Variants in TBCA observed in about 807,000 individuals in gnomAD.
TBCA encodes tubulin folding cofactor A.
Under a neutral mutation model 15.8 loss-of-function variants are expected in TBCA, and 6 were observed. The ratio of observed to expected loss-of-function variants is 0.38; its 90% CI spans 0.21 to 0.75. The LOEUF (loss-of-function observed/expected upper bound fraction) is 0.75, where lower values mean the gene tolerates loss of function less well. Ranked by LOEUF, TBCA falls within the 30% of genes least tolerant of loss-of-function variation. TBCA has a pLI of 0.46. For synonymous variants in TBCA, 32 were observed against 42.3 expected, an observed-to-expected ratio of 0.76 and a Z score of 0.94; for missense variants, 90 against 131.2, an observed-to-expected ratio of 0.69 and a Z score of 1.53.
chr5:77,711,866 A>G (rs1746285059), intron 1 of TBCA, among the ~76,000 whole-genome samples: 1 of 152,128 alleles, frequency 6.6e-6, no homozygotes. Flanking sequence ...TTGCATGGTT[A>G]TTGGAATATC....
intron 1 of TBCA, among the ~76,000 whole-genome samples, chr5:77,740,257 AT>A (rs958425195): frequency 2.0e-5 from 3 of 152,320 alleles, no homozygotes; most frequent in African/African-American, 7.2e-5. Flanking sequence ...AAACAACCGA[AT>A]TTTTCCTAAA....
intron 1 of TBCA, among the ~76,000 whole-genome samples, chr5:77,761,162 C>CATG (rs1174584782): frequency 2.6e-5 from 4 of 151,838 alleles, no homozygotes; most frequent in Admixed American, 6.6e-5. Flanking sequence ...GAGAACGGGC[C>CATG]ATGATGATGA....
intron 1 of TBCA, among the ~76,000 whole-genome samples, chr5:77,769,503 A>T (rs1164179052): frequency 6.6e-6 from 1 of 152,156 alleles, no homozygotes; most frequent in African/African-American, 2.4e-5. Flanking sequence ...TTCACTTTTT[A>T]TATCAGTATA....
intron 1 of TBCA, among the ~76,000 whole-genome samples, chr5:77,744,596 C>T (rs1376669942): frequency 4.7e-5 from 6 of 126,342 alleles, no homozygotes; most frequent in Admixed American, 9.9e-5. Flanking sequence ...AGGACAGTGG[C>T]GCGATCTCGG....
At chr5:77,753,307 C>T (rs116038356) in intron 1 of TBCA, among the ~76,000 whole-genome samples, 246 of 152,318 alleles carry the variant, frequency 1.6e-3, no homozygotes, top group African/African-American at 5.7e-3. Flanking sequence ...CAAGCCCTTA[C>T]TTTTCTTTAA....
chr5:77,735,030 A>G (rs2112473112), intron 1 of TBCA, among the ~76,000 whole-genome samples: 1 of 152,358 alleles, frequency 6.6e-6, no homozygotes, highest in East Asian at 1.9e-4. Flanking sequence ...TATTGCACAC[A>G]TAATATACTA....
Position 77,691,390 on chromosome 5 carries a change from G to C in TBCA, c.*28C>G. ...TGTAAAATGGACCCCAGGATTTAAT[G>C]CAAAAACCACCCCATACGAGAAAAG... On this transcript the variant is annotated 3_prime_UTR_variant, in exon 4 of 4. Transcript: ENST00000380377. 1.3e-6 allele frequency: 2 copies of C among 1,578,770 alleles called. No individual in the cohort carries two copies. Among genetic ancestry groups the C allele is most frequent in the South Asian group, 1.2e-5 (1 of 85,906 alleles).
At chr5:77,707,637 G>T (rs1362387272) in intron 2 of TBCA, among the ~76,000 whole-genome samples, 1 of 152,138 alleles carries the variant, frequency 6.6e-6, no homozygotes, top group Non-Finnish European at 1.5e-5. Context: ...CAATGTTAAG[G>T]CCACTGAAAT....
At chr5:77,759,365 T>C (rs1473204975) in intron 1 of TBCA, among the ~76,000 whole-genome samples, 4 of 152,140 alleles carry the variant, frequency 2.6e-5, no homozygotes, top group Admixed American at 1.3e-4. Flanking sequence ...TAGATTGTAA[T>C]TGTTTCTTAT....
At chr5:77,757,830 G>A (rs926465147) in intron 1 of TBCA, among the ~76,000 whole-genome samples, 1 of 152,154 alleles carries the variant, frequency 6.6e-6, no homozygotes, top group Non-Finnish European at 1.5e-5. Context: ...AAGGTGGCTG[G>A]AGTACAGTTT....
chr5:77,701,245 G>T (rs1280263283), intron 2 of TBCA, among the ~76,000 whole-genome samples: 1 of 151,856 alleles, frequency 6.6e-6, no homozygotes, highest in South Asian at 2.1e-4. Context: ...TCAAAAAGTG[G>T]GCTAACGATA....
intron 3 of TBCA, chr5:77,691,994 G>C (rs962607526): frequency 1.2e-5 from 12 of 985,752 alleles, no homozygotes; most frequent in Non-Finnish European, 1.4e-5. Context: ...TTGCTAATGG[G>C]TATTACATAC....
intron 1 of TBCA, among the ~76,000 whole-genome samples, chr5:77,719,303 G>T (rs1580106704): frequency 6.6e-6 from 1 of 152,090 alleles, no homozygotes; most frequent in Non-Finnish European, 1.5e-5. Flanking sequence ...AGTAAATGAA[G>T]CAATTTTCAA....
intron 1 of TBCA, among the ~76,000 whole-genome samples, chr5:77,729,841 A>G (rs1284450120): frequency 6.6e-6 from 1 of 152,220 alleles, no homozygotes; most frequent in African/African-American, 2.4e-5. Flanking sequence ...GTAATACAAC[A>G]TATCAGTTAA....
chr5:77,730,810 A>G (rs1746750950), intron 1 of TBCA, among the ~76,000 whole-genome samples: 1 of 152,106 alleles, frequency 6.6e-6, no homozygotes, highest in South Asian at 2.1e-4. Flanking sequence ...CCTCTCCCTC[A>G]TGATAATTTT....
intron 2 of TBCA, among the ~76,000 whole-genome samples, chr5:77,700,358 TA>T (rs202227314): frequency 4.7e-5 from 7 of 147,688 alleles, no homozygotes; most frequent in South Asian, 2.1e-4. Context: ...ACTCAAATGT[TA>T]AAAAAAAAAC....
At chr5:77,747,664 T>C (rs1747217744) in intron 1 of TBCA, among the ~76,000 whole-genome samples, 1 of 152,128 alleles carries the variant, frequency 6.6e-6, no homozygotes, top group Non-Finnish European at 1.5e-5. Flanking sequence ...AAGTACCTAT[T>C]AGTTCTTATT....
chr5:77,698,145 A>T (rs1745914359), intron 2 of TBCA, among the ~76,000 whole-genome samples: 1 of 148,640 alleles, frequency 6.7e-6, no homozygotes, highest in Admixed American at 6.9e-5. Context: ...AAATTAAAAA[A>T]CCAAAAAGCT....
intron 1 of TBCA, among the ~76,000 whole-genome samples, chr5:77,720,095 G>GA (rs1746495043): frequency 6.6e-6 from 1 of 152,042 alleles, no homozygotes; most frequent in Non-Finnish European, 1.5e-5. Context: ...TGAAAACTGA[G>GA]ATCATCATCA....
Sources: gnomAD v4.1 joint callset for allele counts (sites outside exome capture counted in the v4.1 genomes callset) on GRCh38, gnomAD v4.1.1 for gene constraint, MANE v1.5 for transcripts, NCBI Gene and HGNC (gene_info 2026-07-23, HGNC 2026-07-21) for gene names.